The following ANK2 variants were observed in gnomAD, a reference collection of about 807,000 sequenced individuals.
ANK2 encodes the protein ankyrin 2.
Under a neutral mutation model 360.5 loss-of-function variants are expected in ANK2, and 83 were observed. The ratio of observed to expected loss-of-function variants is 0.23; its 90% confidence interval spans 0.19 to 0.28. The LOEUF is 0.28. Ranked by LOEUF, ANK2 falls within the 10% of genes least tolerant of loss-of-function variation. ANK2 has a pLI of 1.00. For missense variants in ANK2, 4,201 were observed against 4,795.7 expected (o/e 0.88, Z 3.66); for synonymous variants, 1,740 against 1,759.5 (o/e 0.99, Z 0.28).
chr4:113,027,043 G>C (rs535243942), intron 2 of ANK2, among the ~76,000 whole-genome samples: 4 of 152,134 alleles, frequency 2.6e-5, no homozygotes, highest in Non-Finnish European at 5.9e-5. Flanking sequence ...ATCTGTTTCA[G>C]TGAAGATGGC....
chr4:113,297,415 C>CT (rs1401221521), intron 22 of ANK2, among the ~76,000 whole-genome samples: 4 of 152,104 alleles, frequency 2.6e-5, no homozygotes, highest in African/African-American at 9.7e-5. Context: ...AGTGACTCAC[C>CT]TTTGTTAGGA....
Position 113,025,298 on chromosome 4 carries a change from A to G in ANK2, c.21+120784A>G, listed in dbSNP as rs529099137. On this transcript the variant is annotated intron_variant, in intron 2 of 30. Coordinates refer to the ANK2 transcript ENST00000503271. ...TACACGATGCCCCTCACCCCACACA[A>G]TGCACATACTGTGATGTAAAAATTG... Among the ~76,000 whole-genome samples the G allele has an allele frequency of 2.6e-5, 4 of 152,244 alleles. No individual in the cohort carries two copies. In the South Asian group the frequency reaches 8.3e-4, roughly 32 times the overall value.
chr4:112,948,189 C>T (rs1246170888), intron 2 of ANK2, among the ~76,000 whole-genome samples: 1 of 152,190 alleles, frequency 6.6e-6, no homozygotes, highest in Admixed American at 6.5e-5. Context: ...TGCCATCTGT[C>T]ATGGATACCT....
At chr4:112,901,596 G>T (rs2083374485) in intron 1 of ANK2, among the ~76,000 whole-genome samples, 1 of 152,108 alleles carries the variant, frequency 6.6e-6, no homozygotes, top group South Asian at 2.1e-4. Context: ...AGCCATGGTG[G>T]CTCTGCCTGT....
intron 23 of ANK2, among the ~76,000 whole-genome samples, chr4:113,306,431 T>C (rs1408281282): frequency 6.6e-6 from 1 of 152,168 alleles, no homozygotes; most frequent in Non-Finnish European, 1.5e-5. Flanking sequence ...CCAGGCTCAG[T>C]TGTGGACTGT....
intron 2 of ANK2, among the ~76,000 whole-genome samples, chr4:112,968,540 T>G (rs1263330543): frequency 2.0e-5 from 3 of 152,220 alleles, no homozygotes; most frequent in African/African-American, 7.2e-5. Flanking sequence ...GGTGAGGATG[T>G]AGGGTTTTTG....
At chr4:113,148,203 G>A (rs1025641333) in intron 1 of ANK2, among the ~76,000 whole-genome samples, 2 of 152,014 alleles carry the variant, frequency 1.3e-5, no homozygotes, top group Admixed American at 1.3e-4. Flanking sequence ...GTCTTCTTTT[G>A]GCTTGTATTT....
chr4:112,784,375 TCAGA>T, the ANK2 span, among the ~76,000 whole-genome samples: 3 of 118,884 alleles, frequency 2.5e-5, no homozygotes, highest in African/African-American at 9.3e-5. Context: ...TTTTTTTTTT[TCAGA>T]CAGAGTCTAG....
chr4:112,716,054 C>T, the ANK2 span, among the ~76,000 whole-genome samples: 2 of 152,198 alleles, frequency 1.3e-5, no homozygotes, highest in African/African-American at 4.8e-5. Context: ...ATGTCAGCCT[C>T]TTCCCTTCCC....
intron 2 of ANK2, among the ~76,000 whole-genome samples, chr4:112,974,912 C>T (rs1022420704): frequency 6.6e-5 from 10 of 150,788 alleles, no homozygotes; most frequent in African/African-American, 2.0e-4. Context: ...GAAGGATTAT[C>T]GAAAGGGGAG....
At chr4:113,291,562 CA>C (rs2067592319) in intron 20 of ANK2, among the ~76,000 whole-genome samples, 1 of 152,082 alleles carries the variant, frequency 6.6e-6, no homozygotes, top group Non-Finnish European at 1.5e-5. Flanking sequence ...CTATAGTAGA[CA>C]GAACAAGCAA....
intron 1 of ANK2, among the ~76,000 whole-genome samples, chr4:113,089,066 C>G (rs1018638635): frequency 6.6e-6 from 1 of 152,026 alleles, no homozygotes; most frequent in Non-Finnish European, 1.5e-5. Flanking sequence ...GGAAGTATTC[C>G]AAAAAAGTGA....
the ANK2 span, among the ~76,000 whole-genome samples, chr4:112,753,524 A>G: frequency 6.6e-6 from 1 of 152,200 alleles, no homozygotes; most frequent in African/African-American, 2.4e-5. Flanking sequence ...GCTGGGCTGC[A>G]TTCCCAGAAG....
the ANK2 span, among the ~76,000 whole-genome samples, chr4:112,719,385 T>C: frequency 6.6e-6 from 1 of 152,102 alleles, no homozygotes; most frequent in African/African-American, 2.4e-5. Context: ...GGAACTATGA[T>C]ACAGTGGAAA....
chr4:112,786,382 T>C, the ANK2 span, among the ~76,000 whole-genome samples: 2 of 150,876 alleles, frequency 1.3e-5, no homozygotes, highest in Non-Finnish European at 1.5e-5. Context: ...TTATATCAAC[T>C]AACCACCAGA....
upstream of ANK2, among the ~76,000 whole-genome samples, chr4:113,046,113 G>C (rs28462973): frequency 6.6e-6 from 1 of 152,034 alleles, no homozygotes; most frequent in Non-Finnish European, 1.5e-5. Flanking sequence ...GGAAATTGAC[G>C]GAAAGCTTTC....
At chr4:112,847,391 T>C (rs1256511318) in intron 1 of ANK2, among the ~76,000 whole-genome samples, 1 of 152,174 alleles carries the variant, frequency 6.6e-6, no homozygotes, top group Non-Finnish European at 1.5e-5. Context: ...TATCTTACTC[T>C]CCACAGAAAA....
intron 2 of ANK2, among the ~76,000 whole-genome samples, chr4:113,037,451 G>A (rs1316868235): frequency 2.6e-5 from 4 of 151,828 alleles, no homozygotes; most frequent in Non-Finnish European, 5.9e-5. Context: ...TACTCTAAAT[G>A]TTTTTGCAAA....
At position 113,001,080 on chromosome 4, in the gene ANK2, A is replaced by G. The variant is rs1333782839; in HGVS notation, c.21+96566A>G. 2.6e-5 allele frequency among the ~76,000 whole-genome samples: 4 copies of G among 152,230 alleles called. No individual in the cohort carries two copies. The South Asian group carries it at 8.3e-4, about 32-fold the overall frequency. ...TCGGGCACGGTGGTTCACGCCTGTA[A>G]TCCCAGCTCTTTGGGAGGCTGAGGC... On this transcript the variant is annotated intron_variant, in intron 2 of 30. Transcript: ENST00000503271.
Sources: gnomAD v4.1 joint callset for allele counts (sites outside exome capture counted in the v4.1 genomes callset) on GRCh38, gnomAD v4.1.1 for gene constraint, MANE v1.5 for transcripts, NCBI Gene and HGNC (gene_info 2026-07-23, HGNC 2026-07-21) for gene names.